The following SLCO1C1 variants were observed in gnomAD, a reference collection of about 807,000 sequenced individuals.
SLCO1C1 encodes OAT-RP-5.
SLCO1C1 carries 70 observed loss-of-function variants against 76.4 expected under a neutral mutation model. That is an observed-to-expected ratio of 0.92 (90% CI 0.76 to 1.12). SLCO1C1 has a LOEUF of 1.12. SLCO1C1 is among the 50% of genes most tolerant of loss of function. SLCO1C1 has a pLI of 0.00. For missense variants in SLCO1C1, 912 were observed against 823.8 expected, an observed-to-expected ratio of 1.11 and a Z score of -1.31; for synonymous variants, 306 against 286.1, an observed-to-expected ratio of 1.07 and a Z score of -0.70.
At chr12:20,737,325 A>G (rs1948597523) in intron 11 of SLCO1C1, 53 bp downstream of exon 11, 19 of 1,508,078 alleles carry the variant, frequency 1.3e-5, no homozygotes, top group Non-Finnish European at 1.7e-5. Context: ...AATATAAACA[A>G]CAAAACTCTA....
chr12:20,728,104 A>T (rs755175149), intron 9 of SLCO1C1, among the ~76,000 whole-genome samples: 5 of 152,134 alleles, frequency 3.3e-5, no homozygotes, highest in Non-Finnish European at 7.4e-5. Flanking sequence ...TGATACTGAG[A>T]AGGGTTTTTA....
At chr12:20,715,359 T>A in intron 6 of SLCO1C1, 74 bp downstream of exon 6, 1 of 1,536,208 alleles carries the variant, frequency 6.5e-7, no homozygotes, top group Non-Finnish European at 8.8e-7. Context: ...CCCTCTATGC[T>A]AAATTAAGTG....
chr12:20,715,174 T>C lies in SLCO1C1; in HGVS notation c.565T>C (p.Tyr189His). ...GGACACTAGCTCTTCCATGTGGATT[T>C]ATGTTTTCCTGGGCAATCTTCTTCG... Reference protein sequence around the residue: ...EVDTSSSMWIYVFLGNLLRGI... With the variant: ...EVDTSSSMWIHVFLGNLLRGI... Residue 189 changes from tyrosine to histidine, a missense_variant, in exon 6 of 15, where the codon TAT becomes CAT. Transcript: ENST00000266509. 6.2e-6 allele frequency: 10 copies of C among 1,614,120 alleles called. No homozygotes were observed. The highest frequency in any genetic ancestry group is 7.6e-6 in the Non-Finnish European group (9 of 1,179,960).
chr12:20,725,917 T>C (rs1004795409), intron 9 of SLCO1C1, among the ~76,000 whole-genome samples: 1 of 152,068 alleles, frequency 6.6e-6, no homozygotes, highest in Non-Finnish European at 1.5e-5. Context: ...GTTTCTGACA[T>C]GTCATATCTA....
intron 4 of SLCO1C1, among the ~76,000 whole-genome samples, chr12:20,706,464 C>A (rs1442107249): frequency 6.6e-6 from 1 of 152,182 alleles, no homozygotes; most frequent in South Asian, 2.1e-4. Flanking sequence ...GGCTGCTAGA[C>A]AATTAACTCA....
intron 3 of SLCO1C1, among the ~76,000 whole-genome samples, chr12:20,704,318 G>A (rs367678938): frequency 1.7e-5 from 2 of 118,904 alleles, no homozygotes; most frequent in East Asian, 2.9e-4. Context: ...ACGTAACACA[G>A]AAATAGCTTG....
At chr12:20,717,299 G>A (rs1464568898) in intron 7 of SLCO1C1, 69 bp downstream of exon 7, 2 of 1,241,064 alleles carry the variant, frequency 1.6e-6, no homozygotes, top group Non-Finnish European at 2.2e-6. Context: ...GGAACAGTGT[G>A]GAAATTATCA....
chr12:20,713,476 A>G (rs544071734), intron 5 of SLCO1C1, among the ~76,000 whole-genome samples: 1 of 152,342 alleles, frequency 6.6e-6, no homozygotes, highest in East Asian at 1.9e-4. Flanking sequence ...TCAGTAATTA[A>G]AATGTGTTTA....
intron 7 of SLCO1C1, among the ~76,000 whole-genome samples, chr12:20,718,414 C>G (rs558778321): frequency 6.6e-6 from 1 of 152,294 alleles, no homozygotes; most frequent in South Asian, 2.1e-4. Context: ...CCTGTCAATA[C>G]TTACTTTTTA....
chr12:20,714,165 T>C (rs1947260835), intron 5 of SLCO1C1, among the ~76,000 whole-genome samples: 1 of 152,208 alleles, frequency 6.6e-6, no homozygotes, highest in Non-Finnish European at 1.5e-5. Context: ...TTCACCTTAG[T>C]TCTTCACATA....
chr12:20,708,393 TGAG>T (rs1269460805), intron 4 of SLCO1C1, among the ~76,000 whole-genome samples: 3 of 152,120 alleles, frequency 2.0e-5, no homozygotes, highest in Non-Finnish European at 4.4e-5. Flanking sequence ...ACAGATCTTC[TGAG>T]GAGGAGACAG....
At chr12:20,743,199 T>A in intron 12 of SLCO1C1, 106 bp from the exon 13 acceptor site, 1 of 1,099,618 alleles carries the variant, frequency 9.1e-7, no homozygotes, top group Non-Finnish European at 1.3e-6. Flanking sequence ...TAAATGGCAC[T>A]TGAATTCTAA....
intron 9 of SLCO1C1, among the ~76,000 whole-genome samples, chr12:20,728,536 G>A (rs1394820958): frequency 6.6e-6 from 1 of 151,318 alleles, no homozygotes; most frequent in Non-Finnish European, 1.5e-5. Flanking sequence ...TTTTGGAGGT[G>A]TTACACAGAC....
intron 14 of SLCO1C1, 193 bp downstream of exon 14, chr12:20,750,985 A>AT (rs1049092150): frequency 5.3e-5 from 57 of 1,078,768 alleles, no homozygotes; most frequent in Admixed American, 3.1e-4. Flanking sequence ...GTCCCTATTC[A>AT]TTACCTTGAC....
chr12:20,746,824 C>CA (rs1949069025), intron 13 of SLCO1C1, among the ~76,000 whole-genome samples: 1 of 53,036 alleles, frequency 1.9e-5, no homozygotes, highest in South Asian at 1.4e-3. Context: ...TTTTTTTTTT[C>CA]AAAAACCATT....
intron 13 of SLCO1C1, among the ~76,000 whole-genome samples, chr12:20,746,009 T>C (rs2120915001): frequency 6.6e-6 from 1 of 152,216 alleles, no homozygotes; most frequent in East Asian, 1.9e-4. Context: ...GATATCTAAA[T>C]ATAATCTCGC....
intron 11 of SLCO1C1, among the ~76,000 whole-genome samples, chr12:20,738,953 G>T (rs988724084): frequency 1.3e-5 from 2 of 152,078 alleles, no homozygotes; most frequent in African/African-American, 4.8e-5. Flanking sequence ...AAAAGTAAAT[G>T]CCAGCTTTAT....
At chr12:20,699,239 C>G (rs1254914148) in intron 1 of SLCO1C1, among the ~76,000 whole-genome samples, 2 of 151,902 alleles carry the variant, frequency 1.3e-5, no homozygotes, top group African/African-American at 4.8e-5. Flanking sequence ...TTTAAACTGG[C>G]AAGACCACAA....
intron 9 of SLCO1C1, among the ~76,000 whole-genome samples, chr12:20,726,062 G>T (rs1307013386): frequency 1.3e-5 from 2 of 151,956 alleles, no homozygotes; most frequent in African/African-American, 4.8e-5. Flanking sequence ...AAGCGTAAGT[G>T]GGCCAATTAT....
Sources: allele counts gnomAD v4.1 joint callset (sites outside exome capture counted in the v4.1 genomes callset), GRCh38; gene constraint gnomAD v4.1.1; transcripts MANE v1.5; gene names NCBI Gene and HGNC (gene_info 2026-07-23, HGNC 2026-07-21).